The following BLTP3A variants were observed in gnomAD, a reference collection of about 807,000 sequenced individuals.
The protein encoded by BLTP3A is bridge-like lipid transfer protein family member 3A.
chr6:34,828,258 C>T, the BLTP3A span, among the ~76,000 whole-genome samples: 1 of 151,840 alleles, frequency 6.6e-6, no homozygotes, highest in Admixed American at 6.6e-5. Flanking sequence ...CAAGACCAGT[C>T]TGATCAACAT....
the BLTP3A span, chr6:34,857,660 T>C: frequency 6.6e-7 from 1 of 1,511,602 alleles, no homozygotes; most frequent in African/African-American, 1.4e-5. Context: ...TAGTTAATAT[T>C]AGGTAGTAAG....
At chr6:34,849,521 C>T in the BLTP3A span, among the ~76,000 whole-genome samples, 33 of 151,908 alleles carry the variant, frequency 2.2e-4, no homozygotes, top group African/African-American at 7.3e-4. Context: ...TTTATTATAC[C>T]GTCTATGTCT....
the BLTP3A span, among the ~76,000 whole-genome samples, chr6:34,797,947 C>A: frequency 6.6e-6 from 1 of 152,182 alleles, no homozygotes; most frequent in Non-Finnish European, 1.5e-5. Context: ...CACTCTGCTG[C>A]TATAATGCCT....
chr6:34,854,221 CAAAAA>C, the BLTP3A span, among the ~76,000 whole-genome samples: 1 of 149,784 alleles, frequency 6.7e-6, no homozygotes, highest in African/African-American at 2.5e-5. Flanking sequence ...GACTCCGTCT[CAAAAA>C]AAGAAAAAAA....
chr6:34,801,539 G>A, the BLTP3A span, among the ~76,000 whole-genome samples: 2 of 152,196 alleles, frequency 1.3e-5, no homozygotes, highest in African/African-American at 4.8e-5. Flanking sequence ...ATGGGGGGCC[G>A]TGTCCTGCAG....
chr6:34,801,329 G>T, the BLTP3A span, among the ~76,000 whole-genome samples: 1 of 152,156 alleles, frequency 6.6e-6, no homozygotes, highest in African/African-American at 2.4e-5. Flanking sequence ...CCCTATGTTA[G>T]CCTGCAAAAG....
chr6:34,827,205 G>A, the BLTP3A span, among the ~76,000 whole-genome samples: 1 of 152,030 alleles, frequency 6.6e-6, no homozygotes, highest in East Asian at 1.9e-4. Context: ...CAGCTACTCG[G>A]GAGGCTGAGG....
At chr6:34,858,125 T>A in the BLTP3A span, 2 of 1,610,344 alleles carry the variant, frequency 1.2e-6, no homozygotes, top group Admixed American at 3.4e-5. Flanking sequence ...TCTGTGAAGG[T>A]GAGCTTTCCA....
the BLTP3A span, among the ~76,000 whole-genome samples, chr6:34,866,559 T>TA: frequency 6.6e-6 from 1 of 152,208 alleles, no homozygotes; most frequent in Non-Finnish European, 1.5e-5. Flanking sequence ...AATACAGACT[T>TA]AAATTTTTTT....
chr6:34,830,371 G>A, the BLTP3A span, among the ~76,000 whole-genome samples: 1 of 151,800 alleles, frequency 6.6e-6, no homozygotes, highest in African/African-American at 2.4e-5. Context: ...GGCAGATCAC[G>A]AGGTCAGGAG....
the BLTP3A span, among the ~76,000 whole-genome samples, chr6:34,840,956 T>G: frequency 3.3e-5 from 5 of 152,058 alleles, no homozygotes; most frequent in Non-Finnish European, 7.4e-5. Context: ...ATTAGAAAAT[T>G]TAAAATTTCT....
the BLTP3A span, chr6:34,834,426 G>A: frequency 1.2e-6 from 2 of 1,611,074 alleles, no homozygotes; most frequent in Non-Finnish European, 1.7e-6. Flanking sequence ...CCATCATTGT[G>A]AAGGGAGAGA....
the BLTP3A span, chr6:34,823,468 G>T: frequency 5.3e-6 from 4 of 751,024 alleles, no homozygotes; most frequent in Admixed American, 2.4e-5. Context: ...TAAAGAAAAT[G>T]GTATAAGAAC....
At chr6:34,805,993 A>G in the BLTP3A span, among the ~76,000 whole-genome samples, 1 of 151,900 alleles carries the variant, frequency 6.6e-6, no homozygotes, top group South Asian at 2.1e-4. Flanking sequence ...TGTGCCTTCT[A>G]CCTCAACCTC....
the BLTP3A span, among the ~76,000 whole-genome samples, chr6:34,831,747 C>A: frequency 6.6e-6 from 1 of 152,164 alleles, no homozygotes; most frequent in African/African-American, 2.4e-5. Context: ...TATTTTCCCC[C>A]TGCACTGTCA....
the BLTP3A span, among the ~76,000 whole-genome samples, chr6:34,828,962 G>A: frequency 7.7e-6 from 1 of 129,364 alleles, no homozygotes; most frequent in African/African-American, 3.0e-5. Flanking sequence ...GTGAGGCAGA[G>A]CTTGCAGTGA....
the BLTP3A span, chr6:34,856,377 T>C: frequency 1.9e-6 from 3 of 1,614,174 alleles, no homozygotes; most frequent in Non-Finnish European, 2.5e-6. Context: ...CCCTGGCACC[T>C]TGGAGTAGAC....
chr6:34,826,064 C>G, the BLTP3A span, among the ~76,000 whole-genome samples: 1 of 134,386 alleles, frequency 7.4e-6, no homozygotes, highest in Admixed American at 8.2e-5. Context: ...GAGTCTCACT[C>G]TGTTGCCCAG....
chr6:34,873,429 T>C, the BLTP3A span: 3 of 152,214 alleles, frequency 2.0e-5, no homozygotes, highest in African/African-American at 7.2e-5. Context: ...TTTTAAACTT[T>C]TACATAAACA....
Sources: gnomAD v4.1 joint callset for allele counts (sites outside exome capture counted in the v4.1 genomes callset) on GRCh38, gnomAD v4.1.1 for gene constraint, MANE v1.5 for transcripts, NCBI Gene and HGNC (gene_info 2026-07-23, HGNC 2026-07-21) for gene names.